Variants in PDE8B observed in about 807,000 individuals in gnomAD.
PDE8B encodes high affinity cAMP-specific and IBMX-insensitive 3',5'-cyclic phosphodiesterase 8B.
In PDE8B, 26 loss-of-function variants were observed where a neutral mutation model predicts 101.3. The observed-to-expected ratio is 0.26, with a 90% CI of 0.19 to 0.36. PDE8B has a LOEUF of 0.36. PDE8B is among the 10% of genes least tolerant of loss of function. The probability of loss-of-function intolerance (pLI) is 1.00; values close to 1 mark genes in which losing one functional copy is unlikely to be tolerated. For synonymous variants in PDE8B, 424 were observed against 429.3 expected (o/e 0.99, Z 0.15); for missense variants, 810 against 1,163.1 (o/e 0.70, Z 4.42).
chr5:77,328,592 C>T (rs1281038105), intron 3 of PDE8B, among the ~76,000 whole-genome samples: 2 of 152,110 alleles, frequency 1.3e-5, no homozygotes, highest in African/African-American at 4.8e-5. Context: ...TCTGAACTAC[C>T]TGCTATTTTA....
chr5:77,121,217 G>T, the PDE8B span, among the ~76,000 whole-genome samples: 101,721 of 152,070 alleles, frequency 0.67, 34,222 homozygotes, highest in South Asian at 0.82. Flanking sequence ...TGCATTCATC[G>T]GAAAACTTGA....
At chr5:77,247,065 T>A (rs1297485788) in intron 1 of PDE8B, among the ~76,000 whole-genome samples, 1 of 152,210 alleles carries the variant, frequency 6.6e-6, no homozygotes, top group Non-Finnish European at 1.5e-5. Flanking sequence ...AGCACACAAA[T>A]AAGTTAATTA....
intron 20 of PDE8B, among the ~76,000 whole-genome samples, chr5:77,423,003 A>G (rs192994906): frequency 3.3e-5 from 5 of 152,080 alleles, no homozygotes; most frequent in East Asian, 1.9e-4. Flanking sequence ...TAGTTTTTCA[A>G]CCCTTGCCCC....
At chr5:77,233,699 T>TGTGTGC (rs979930633) in intron 1 of PDE8B, among the ~76,000 whole-genome samples, 56 of 147,002 alleles carry the variant, frequency 3.8e-4, no homozygotes, top group African/African-American at 1.4e-3. Context: ...TGTGTGTGTG[T>TGTGTGC]GCAGTAGACT....
the PDE8B span, among the ~76,000 whole-genome samples, chr5:77,102,705 T>G: frequency 6.7e-6 from 1 of 148,286 alleles, no homozygotes; most frequent in Non-Finnish European, 1.5e-5. Context: ...AGGCACCAGG[T>G]TGGTGGCTGG....
chr5:77,097,707 C>A, the PDE8B span, among the ~76,000 whole-genome samples: 6,706 of 19,040 alleles, frequency 0.35, 796 homozygotes, highest in South Asian at 0.5. Flanking sequence ...ATATATATAT[C>A]TATATATATA....
chr5:77,406,084 C>T (rs1046432017), intron 12 of PDE8B, among the ~76,000 whole-genome samples: 12 of 151,922 alleles, frequency 7.9e-5, no homozygotes, highest in Non-Finnish European at 2.9e-5. Flanking sequence ...GTCAGGAGTT[C>T]GAGGCCAGCC....
the PDE8B span, among the ~76,000 whole-genome samples, chr5:77,180,967 CGTGT>C: frequency 0.027 from 3,962 of 147,454 alleles, 98 homozygotes; most frequent in African/African-American, 0.068. Flanking sequence ...GGTGTGTACA[CGTGT>C]GTGTGTGTGT....
Position 77,415,173 on chromosome 5 carries a change from C to G in PDE8B, c.1911+1864C>G, listed in dbSNP as rs750434722. On this transcript the variant is annotated intron_variant, in intron 17 of 21. Coordinates refer to ENST00000264917, the MANE Select transcript of PDE8B (RefSeq NM_003719.5). ...CTGAGCTGGAAGGGGTTTCTGGGCT[C>G]AGAGGTTTGGTTACCTGCCTGTGAT... Among the ~76,000 whole-genome samples the G allele has an allele frequency of 2.0e-5, 3 of 151,970 alleles. 1 individual carries two copies. Among genetic ancestry groups the G allele is most frequent in the Non-Finnish European group, 2.9e-5 (2 of 68,004 alleles).
At chr5:77,257,284 G>A (rs251429) in intron 1 of PDE8B, among the ~76,000 whole-genome samples, 104,249 of 151,956 alleles carry the variant, frequency 0.69, 36,122 homozygotes, top group East Asian at 0.95. Context: ...ATTATCAGAT[G>A]GGATAAAAGA....
chr5:77,212,787 G>A (rs1448387778), intron 1 of PDE8B, among the ~76,000 whole-genome samples: 1 of 152,104 alleles, frequency 6.6e-6, no homozygotes. Flanking sequence ...TTAGCTTTAG[G>A]AGCAATTTTC....
the PDE8B span, among the ~76,000 whole-genome samples, chr5:77,172,449 C>T: frequency 6.6e-6 from 1 of 152,188 alleles, no homozygotes; most frequent in Admixed American, 6.5e-5. Context: ...AATTCTGCTT[C>T]TAGTAACTTT....
intron 2 of PDE8B, among the ~76,000 whole-genome samples, chr5:77,317,683 T>C (rs1774062598): frequency 6.6e-6 from 1 of 152,168 alleles, no homozygotes; most frequent in African/African-American, 2.4e-5. Flanking sequence ...TCAAGTGGCC[T>C]TTTCTTCATC....
chr5:77,418,212 G>T lies in PDE8B; in HGVS notation c.1912-17G>T. The T allele has an allele frequency of 6.5e-7, 1 of 1,538,722 alleles. No homozygotes were observed. Among genetic ancestry groups the T allele is most frequent in the Non-Finnish European group, 9.0e-7 (1 of 1,111,360 alleles). On this transcript the variant is annotated splice_polypyrimidine_tract_variant and intron_variant, in intron 17 of 21. Transcript: ENST00000264917. Reference sequence around the variant, plus strand: ...GATCCAGTGGGTAATGCTCAACCTTGCCTCCCCATATCCCAGGGAAGCCTC... The same window carrying T: ...GATCCAGTGGGTAATGCTCAACCTTTCCTCCCCATATCCCAGGGAAGCCTC...
At chr5:77,226,989 C>T (rs1752531681) in intron 1 of PDE8B, among the ~76,000 whole-genome samples, 1 of 152,174 alleles carries the variant, frequency 6.6e-6, no homozygotes, top group South Asian at 2.1e-4. Flanking sequence ...CATTAAAGTC[C>T]TATGCGTTTA....
the PDE8B span, among the ~76,000 whole-genome samples, chr5:77,122,083 C>T: frequency 3.8e-4 from 58 of 152,204 alleles, no homozygotes; most frequent in Non-Finnish European, 8.1e-4. Context: ...ACCATTTGCT[C>T]TAGATTTCCC....
chr5:77,152,794 C>T, the PDE8B span, among the ~76,000 whole-genome samples: 2 of 152,018 alleles, frequency 1.3e-5, no homozygotes, highest in South Asian at 4.2e-4. Context: ...CGCAGCCGGA[C>T]CTGGGATAGC....
At chr5:77,321,700 C>T (rs1438638168) in intron 2 of PDE8B, among the ~76,000 whole-genome samples, 1 of 152,036 alleles carries the variant, frequency 6.6e-6, no homozygotes, top group Non-Finnish European at 1.5e-5. Context: ...TTCTTTATTC[C>T]CATAAATTTT....
chr5:77,117,875 G>T, the PDE8B span, among the ~76,000 whole-genome samples: 1 of 151,854 alleles, frequency 6.6e-6, no homozygotes, highest in African/African-American at 2.4e-5. Context: ...TCACATTATT[G>T]AATGTGAATT....
Sources: allele counts gnomAD v4.1 joint callset (sites outside exome capture counted in the v4.1 genomes callset), GRCh38; gene constraint gnomAD v4.1.1; transcripts MANE v1.5; gene names NCBI Gene and HGNC (gene_info 2026-07-23, HGNC 2026-07-21).